Variants in POLR1A observed in about 807,000 individuals in gnomAD.
The protein encoded by POLR1A is RNA polymerase I subunit A, also known as DNA-directed RNA polymerase I subunit RPA1.
Under a neutral mutation model 205.3 loss-of-function variants are expected in POLR1A, and 84 were observed. That is an observed-to-expected ratio of 0.41 (90% confidence interval 0.34 to 0.49). The LOEUF is 0.49. Ranked by LOEUF, POLR1A falls within the 20% of genes least tolerant of loss-of-function variation. The probability of loss-of-function intolerance (pLI) is 0.22; values close to 1 mark genes in which losing one functional copy is unlikely to be tolerated. For missense variants in POLR1A, 1,645 were observed against 2,204.5 expected (o/e 0.75, Z 5.08); for synonymous variants, 799 against 863.7 (o/e 0.93, Z 1.31).
intron 11 of POLR1A, among the ~76,000 whole-genome samples, chr2:86,075,772 T>A (rs1234837445): frequency 1.3e-5 from 2 of 152,220 alleles, no homozygotes; most frequent in African/African-American, 4.8e-5. Flanking sequence ...CCTCCCAAAG[T>A]GCTGGGATTA....
Position 86,040,378 on chromosome 2 carries a change from C to T in POLR1A, c.3740+14G>A. 6.3e-7 allele frequency: 1 copy of T among 1,587,036 alleles called. No individual in the cohort carries two copies. Among genetic ancestry groups the T allele is most frequent in the Non-Finnish European group, 8.6e-7 (1 of 1,166,052 alleles). ...TAGGACAGACCCCACCCTGTGCTCC[C>T]TTGTGCCCCACACCTTGGAATGCCC... On this transcript the variant is annotated intron_variant, in intron 25 of 33. Transcript: ENST00000263857.
In POLR1A at chr2:86,028,502, C is replaced by G; in HGVS notation, c.4897+92G>C. 1 of 876,256 alleles carries G rather than the reference C, an allele frequency of 1.1e-6. No individual in the cohort carries two copies. The highest frequency in any genetic ancestry group is 2.2e-4 in the Middle Eastern group (1 of 4,468). 54.3% of individuals were successfully genotyped at this position (876,256 alleles called of 1,614,324 possible). ...GCCTTAGTGCTGGACTGACTCGGTG[C>G]TGGACCGACACGGTCCTGACCCTCC... On this transcript the variant is annotated intron_variant, in intron 32 of 33. Transcript: ENST00000263857. The surrounding 1 kb of genome is among the most constrained non-coding windows in gnomAD (Gnocchi z 4.5).
intron 27 of POLR1A, among the ~76,000 whole-genome samples, chr2:86,036,117 C>T (rs1265140320): frequency 6.6e-6 from 1 of 152,204 alleles, no homozygotes; most frequent in Non-Finnish European, 1.5e-5. Flanking sequence ...TAATTACAAA[C>T]AGAGCACATG....
At chr2:86,042,434 C>A (rs535203476) in intron 23 of POLR1A, among the ~76,000 whole-genome samples, 9 of 152,306 alleles carry the variant, frequency 5.9e-5, no homozygotes, top group African/African-American at 2.2e-4. Context: ...CTGTCTCAGG[C>A]CAGCTAGGAT....
Position 86,042,956 on chromosome 2 carries a change from A to T in POLR1A, c.3357+18T>A. The T allele has an allele frequency of 6.3e-7, 1 of 1,586,518 alleles. No homozygotes were observed. Among genetic ancestry groups the T allele is most frequent in the Non-Finnish European group, 8.7e-7 (1 of 1,155,448 alleles). On this transcript the variant is annotated intron_variant, in intron 23 of 33. Coordinates refer to ENST00000263857, the MANE Select transcript of POLR1A (RefSeq NM_015425.6). The stretch of plus-strand genomic sequence containing the variant: ...CCTGGACGTGCTGGACATTAAGGAC[A>T]CCACCTCCCTGCATCACCTCCTGAG...
rs763635601 is a variant in POLR1A at position 86,027,462 on chromosome 2, G to A, written c.5124C>T (p.Gly1708=). Residue 1708 remains glycine, a synonymous_variant, in exon 34 of 34, where the codon GGC becomes GGT. Coordinates refer to ENST00000263857, the MANE Select transcript of POLR1A (RefSeq NM_015425.6). The part of the protein sequence containing the change: ...ACLVVGKVVR[G]GTGLFELKQP... ...GCTTGAGCTCGAACAGGCCTGTCCC[G>A]CCCCTGACGACCTTCCCGACCACAA... 3.7e-6 allele frequency: 6 copies of A among 1,614,140 alleles called. No individual in the cohort carries two copies. The highest frequency in any genetic ancestry group is 2.2e-5 in the South Asian group (2 of 91,080).
intron 23 of POLR1A, among the ~76,000 whole-genome samples, chr2:86,042,485 G>A (rs1672626944): frequency 6.6e-6 from 1 of 152,214 alleles, no homozygotes; most frequent in Non-Finnish European, 1.5e-5. Context: ...CTGGATCCAG[G>A]CTCTTTCACA....
chr2:86,097,572 T>C (rs1400735823), intron 3 of POLR1A, among the ~76,000 whole-genome samples: 5 of 152,154 alleles, frequency 3.3e-5, no homozygotes, highest in African/African-American at 1.2e-4. Flanking sequence ...TAATAAAGCA[T>C]GAAATCCTGT....
chr2:86,084,993 G>A (rs759393682), intron 6 of POLR1A, among the ~76,000 whole-genome samples: 1 of 149,498 alleles, frequency 6.7e-6, no homozygotes, highest in African/African-American at 2.5e-5. Context: ...ACAGAGACTT[G>A]CTCTGTCGAC....
At chr2:86,077,067 G>A (rs1457977273) in intron 11 of POLR1A, among the ~76,000 whole-genome samples, 2 of 152,192 alleles carry the variant, frequency 1.3e-5, no homozygotes, top group Non-Finnish European at 2.9e-5. Flanking sequence ...GACACAGGAT[G>A]ATCAGAAAGA....
chr2:86,052,647 C>G (rs750929217), intron 16 of POLR1A, among the ~76,000 whole-genome samples, 170 bp downstream of exon 16: 14 of 152,170 alleles, frequency 9.2e-5, no homozygotes, highest in Non-Finnish European at 1.5e-4. Context: ...CTGTTAAGAC[C>G]CTGTAATAAA....
Position 86,033,666 on chromosome 2 carries a change from T to C in POLR1A, c.4156A>G (p.Ser1386Gly), listed in dbSNP as rs767071597. Residue 1386 changes from serine to glycine, a missense_variant, in exon 28 of 34, where the codon AGT becomes GGT. By Grantham distance (56) the Ser-to-Gly change is moderately conservative. Transcript: ENST00000263857. ...DLDNAGELGR[S>G]RGEQEGDEEE... Reference sequence around the variant, plus strand: ...ACCCCCGGGGACTCACTCACCCGACTCCTCCCCAACTCCCCAGCGTTGTCC... The same window carrying C: ...ACCCCCGGGGACTCACTCACCCGACCCCTCCCCAACTCCCCAGCGTTGTCC... The C allele has an allele frequency of 1.9e-6, 3 of 1,613,152 alleles. No homozygotes were observed. In the African/African-American group the frequency reaches 4.0e-5, roughly 22 times the overall value.
intron 6 of POLR1A, 55 bp from the exon 7 acceptor site, chr2:86,083,223 TGCAATGG>T: frequency 8.3e-7 from 1 of 1,198,428 alleles, no homozygotes; most frequent in Non-Finnish European, 1.2e-6. Flanking sequence ...GTACTCTTTC[TGCAATGG>T]GATTTATCAA....
chr2:86,094,324 T>C (rs1673663128), intron 3 of POLR1A, among the ~76,000 whole-genome samples: 1 of 152,228 alleles, frequency 6.6e-6, no homozygotes, highest in Non-Finnish European at 1.5e-5. Context: ...TTCAATGGGT[T>C]ATAATCACTT....
chr2:86,075,219 TG>T lies in POLR1A; in HGVS notation c.1421del (p.Pro474HisfsTer34). The T allele has an allele frequency of 6.2e-7, 1 of 1,611,632 alleles. No individual in the cohort carries two copies. The highest frequency in any genetic ancestry group is 8.5e-7 in the Non-Finnish European group (1 of 1,178,774). On this transcript the variant is annotated frameshift_variant, in exon 12 of 34. Coordinates refer to ENST00000263857, the MANE Select transcript of POLR1A (RefSeq NM_015425.6). LOFTEE classifies it high-confidence loss of function. ...CTTGCCTAAGTTCCTGAACATTCCA[TG>T]GGGTAACTGGCTGTGGGTAGGTCAG... ...TKLTYPQPVT[P>X]WNVQELRQAV...
chr2:86,081,049 C>T (rs1403185562), intron 8 of POLR1A, 71 bp from the exon 9 acceptor site: 1 of 1,409,010 alleles, frequency 7.1e-7, no homozygotes, highest in African/African-American at 1.4e-5. Flanking sequence ...GCCTCTCACC[C>T]ATGCCTACTG....
In POLR1A at chr2:86,065,363, C is replaced by A; in HGVS notation, c.1969G>T (p.Val657Leu). 6.2e-7 allele frequency: 1 copy of A among 1,614,192 alleles called. No homozygotes were observed. Among genetic ancestry groups the A allele is most frequent in the Non-Finnish European group, 8.5e-7 (1 of 1,180,016 alleles). ...ACTTTGTCCGTGAGTCCTCGGTACA[C>A]CAGCTCCATATAGTGCTCCCGGGTG... ...FFTREHYMEL[V>L]YRGLTDKVGR... Residue 657 changes from valine to leucine, a missense_variant, in exon 14 of 34, where the codon GTG becomes TTG. By Grantham distance (32) the Val-to-Leu change is conservative. Transcript: ENST00000263857.
chr2:86,043,257 G>A (rs1251599495), intron 22 of POLR1A, 62 bp from the exon 23 acceptor site: 2 of 1,416,512 alleles, frequency 1.4e-6, no homozygotes, highest in East Asian at 4.6e-5. Context: ...AGAGATGAGG[G>A]CGTGACAAGA....
At chr2:86,081,057 C>T (rs1368771353) in intron 8 of POLR1A, 79 bp from the exon 9 acceptor site, 4 of 1,306,462 alleles carry the variant, frequency 3.1e-6, no homozygotes, top group East Asian at 4.7e-5. Context: ...CCCATGCCTA[C>T]TGTAGGGAGC....
Sources: allele counts gnomAD v4.1 joint callset (sites outside exome capture counted in the v4.1 genomes callset), GRCh38; gene constraint gnomAD v4.1.1; non-coding constraint Gnocchi (gnomAD v3.1); transcripts MANE v1.5; gene names NCBI Gene and HGNC (gene_info 2026-07-23, HGNC 2026-07-21).